ZC3H12B: variants seen among roughly 807,000 people sequenced by gnomAD.
ZC3H12B encodes probable ribonuclease ZC3H12B.
In ZC3H12B, 7 loss-of-function variants were observed where a neutral mutation model predicts 43.9. That is an observed-to-expected ratio of 0.16 (90% CI 0.09 to 0.30). The LOEUF (loss-of-function observed/expected upper bound fraction) is 0.30. Among genes scored for constraint, ZC3H12B ranks in the 10% least tolerant of loss-of-function variants. ZC3H12B has a pLI of 1.00. For synonymous variants in ZC3H12B, 222 were observed against 241.7 expected (o/e 0.92, Z 0.76); for missense variants, 475 against 670.2 (o/e 0.71, Z 3.22).
chrX:65,454,645 C>T (rs769222814), intron 3 of ZC3H12B, among the ~76,000 whole-genome samples: 158 of 111,799 alleles, frequency 1.4e-3, no homozygotes, highest in African/African-American at 4.3e-3. Flanking sequence ...TTCTCCAGCA[C>T]GCAGCTGGAG....
chrX:65,449,125 G>C (rs1184271654), intron 3 of ZC3H12B, among the ~76,000 whole-genome samples: 1 of 110,243 alleles, frequency 9.1e-6, no homozygotes, highest in Non-Finnish European at 1.9e-5. Context: ...ACACATGGTG[G>C]GGAACAACAC....
At chrX:65,495,649 AG>A (rs767075000) in intron 1 of ZC3H12B, among the ~76,000 whole-genome samples, 1 of 112,246 alleles carries the variant, frequency 8.9e-6, no homozygotes, top group African/African-American at 3.2e-5. Context: ...TATATGTCAG[AG>A]CACTAGATAC....
At chrX:65,258,463 A>G in the ZC3H12B span, among the ~76,000 whole-genome samples, 2 of 112,120 alleles carry the variant, frequency 1.8e-5, no homozygotes, top group African/African-American at 3.2e-5. Context: ...CCAACATCAT[A>G]CTAAATGGCC....
the ZC3H12B span, among the ~76,000 whole-genome samples, chrX:65,140,945 C>T: frequency 9.0e-6 from 1 of 111,434 alleles, no homozygotes; most frequent in East Asian, 2.8e-4. Flanking sequence ...TTCGAGGCTT[C>T]TCTTTGTTTA....
chrX:65,240,431 G>A, the ZC3H12B span, among the ~76,000 whole-genome samples: 1 of 111,802 alleles, frequency 8.9e-6, no homozygotes, highest in South Asian at 3.8e-4. Flanking sequence ...TCTTTTATAT[G>A]CCTGTGTAAA....
the ZC3H12B span, among the ~76,000 whole-genome samples, chrX:65,316,374 T>C: frequency 1.8e-5 from 2 of 111,551 alleles, no homozygotes; most frequent in Admixed American, 1.9e-4. Flanking sequence ...AAAGTTGAAA[T>C]GAAAGCAAAA....
chrX:65,360,452 G>T, the ZC3H12B span, among the ~76,000 whole-genome samples: 1 of 112,253 alleles, frequency 8.9e-6, no homozygotes, highest in African/African-American at 3.2e-5. Context: ...AGGAAAAGAA[G>T]CTCAGTATCA....
the ZC3H12B span, among the ~76,000 whole-genome samples, chrX:65,051,785 A>G: frequency 2.7e-5 from 3 of 110,684 alleles, no homozygotes; most frequent in Admixed American, 2.9e-4. Flanking sequence ...GGTTTTTTTA[A>G]GGACACTTTG....
intron 3 of ZC3H12B, among the ~76,000 whole-genome samples, chrX:65,441,775 G>T (rs2067304296): frequency 9.0e-6 from 1 of 111,316 alleles, no homozygotes; most frequent in African/African-American, 3.3e-5. Flanking sequence ...AAGGCTCACA[G>T]CTTTTGTGCA....
At chrX:65,193,177 G>T in the ZC3H12B span, among the ~76,000 whole-genome samples, 1 of 107,859 alleles carries the variant, frequency 9.3e-6, no homozygotes, top group African/African-American at 3.4e-5. Context: ...TGGCCTCATA[G>T]AATGAGTATG....
chrX:65,468,111 A>G (rs1427228588), intron 3 of ZC3H12B, among the ~76,000 whole-genome samples: 1 of 112,022 alleles, frequency 8.9e-6, no homozygotes, highest in African/African-American at 3.2e-5. Flanking sequence ...TCTTTGATCC[A>G]TCTTGAGTTG....
intron 4 of ZC3H12B, among the ~76,000 whole-genome samples, chrX:65,500,835 G>A (rs904764882): frequency 8.1e-5 from 9 of 110,490 alleles, no homozygotes; most frequent in African/African-American, 2.6e-4. Flanking sequence ...CTAACATTGC[G>A]ACATGGGCTG....
the ZC3H12B span, among the ~76,000 whole-genome samples, chrX:65,131,179 C>T: frequency 2.7e-5 from 3 of 111,359 alleles, no homozygotes; most frequent in African/African-American, 6.5e-5. Context: ...TGGAGTGGGG[C>T]AGAGTGGTAG....
the ZC3H12B span, among the ~76,000 whole-genome samples, chrX:65,209,679 T>A: frequency 2.7e-5 from 3 of 110,372 alleles, no homozygotes; most frequent in Non-Finnish European, 5.7e-5. Context: ...GAGAGTTCGC[T>A]ACAGTAACCA....
chrX:65,386,261 G>T (rs1331836963), intron 2 of ZC3H12B, among the ~76,000 whole-genome samples: 3 of 111,743 alleles, frequency 2.7e-5, no homozygotes, highest in Non-Finnish European at 5.6e-5. Context: ...ATTTGGCTGT[G>T]AATCTGTCTG....
the ZC3H12B span, among the ~76,000 whole-genome samples, chrX:65,087,147 C>T: frequency 9.0e-6 from 1 of 110,715 alleles, no homozygotes; most frequent in African/African-American, 3.3e-5. Flanking sequence ...GTGCGTTTCC[C>T]TCATCATGGA....
intron 3 of ZC3H12B, among the ~76,000 whole-genome samples, chrX:65,464,697 A>G (rs1363586823): frequency 9.1e-6 from 1 of 110,354 alleles, no homozygotes; most frequent in Non-Finnish European, 1.9e-5. Flanking sequence ...TCTTAAGGTG[A>G]GTGGCTAGGT....
Position 65,476,832 on chromosome X carries a change from ATT to A in ZC3H12B, n.408-11800_408-11799del, listed in dbSNP as rs375353483. On this transcript the variant is annotated intron_variant and non_coding_transcript_variant, in intron 3 of 5. Coordinates refer to the ZC3H12B transcript ENST00000617377. Reference sequence around the variant, plus strand: ...TAGTCATGTGAAACTGCTGACTGGAATTTTTTTTTTTTTTTGTCTCACTCTGT... The same window carrying A: ...TAGTCATGTGAAACTGCTGACTGGAATTTTTTTTTTTTTGTCTCACTCTGT... 5.9e-3 allele frequency among the ~76,000 whole-genome samples: 572 copies of A among 96,768 alleles called. 4 individuals carry two copies. Among genetic ancestry groups the A allele is most frequent in the African/African-American group, 0.019 (508 of 26,548 alleles). 84.0% of individuals were successfully genotyped at this position (96,768 alleles called of 115,157 possible). A position where few individuals can be genotyped will look rare whatever the true frequency, so the allele number is the denominator to read the frequency against.
chrX:65,134,435 A>G, the ZC3H12B span, among the ~76,000 whole-genome samples: 2 of 111,796 alleles, frequency 1.8e-5, no homozygotes, highest in African/African-American at 6.5e-5. Context: ...TCCATGGATA[A>G]AATGTGTCTC....
Sources: allele counts gnomAD v4.1 joint callset (sites outside exome capture counted in the v4.1 genomes callset), GRCh38; gene constraint gnomAD v4.1.1; transcripts MANE v1.5; gene names NCBI Gene and HGNC (gene_info 2026-07-23, HGNC 2026-07-21).